The following TRAPPC11 variants were observed in gnomAD, a reference collection of about 807,000 sequenced individuals.
TRAPPC11 encodes trafficking protein particle complex subunit 11.
A neutral mutation model predicts 151.2 loss-of-function variants in TRAPPC11; 104 were observed. The observed-to-expected ratio is 0.69, with a 90% CI of 0.59 to 0.81. The LOEUF (loss-of-function observed/expected upper bound fraction) is 0.81. Ranked by LOEUF, TRAPPC11 falls within the 30% of genes least tolerant of loss-of-function variation. The pLI is 0.00. For missense variants in TRAPPC11, 1,230 were observed against 1,349.6 expected (o/e 0.91, Z 1.39); for synonymous variants, 456 against 472.3 (o/e 0.97, Z 0.45).
In TRAPPC11 at chr4:183,675,175, T is replaced by G. The variant is rs550455150; in HGVS notation, c.672T>G (p.Val224=). ...TTGTCTCTTTTTAGCTTTTATTTGT[T>G]AGGCATCAGTTCAAAATAGCTTTCT... ...LNKTTHQLLF[V]RHQFKIAFFS... is the part of the protein sequence containing the mutation. The change falls in exon 7 of 30, where the codon GTT becomes GTG. Residue 224 remains valine, a synonymous_variant. Transcript: ENST00000334690. 6.6e-7 allele frequency: 1 copy of G among 1,513,880 alleles called. No homozygotes were observed. 93.8% of individuals were successfully genotyped at this position (1,513,880 alleles called of 1,614,324 possible).
Position 183,711,798 on chromosome 4 carries a change from A to G in TRAPPC11, c.3358-802A>G, listed in dbSNP as rs533293728. Among the ~76,000 whole-genome samples, 3 of 152,338 alleles carry G rather than the reference A, an allele frequency of 2.0e-5. No individual in the cohort carries two copies. The South Asian group carries it at 6.2e-4, about 32-fold the overall frequency. Reference sequence around the variant, plus strand: ...CACTCTTCTGTTTCATTTCCTGATCATCTTTCTCCTGCTTTCCCCACAAAG... The same window carrying G: ...CACTCTTCTGTTTCATTTCCTGATCGTCTTTCTCCTGCTTTCCCCACAAAG... On this transcript the variant is annotated intron_variant, in intron 29 of 29. Transcript: ENST00000334690.
chr4:183,673,464 A>T (rs1579171114), intron 5 of TRAPPC11, among the ~76,000 whole-genome samples: 1 of 152,150 alleles, frequency 6.6e-6, no homozygotes, highest in South Asian at 2.1e-4. Context: ...GTTTAAGTCC[A>T]GGAATTTGAG....
chr4:183,701,557 C>A, intron 25 of TRAPPC11, 140 bp from the exon 26 acceptor site: 1 of 613,232 alleles, frequency 1.6e-6, no homozygotes, highest in Non-Finnish European at 2.9e-6. Context: ...CATTTAACAT[C>A]TCTGAACCCT....
At chr4:183,686,475 C>A in intron 17 of TRAPPC11, 143 bp from the exon 18 acceptor site, 1 of 859,372 alleles carries the variant, frequency 1.2e-6, no homozygotes. Context: ...GCTCATTTGT[C>A]TCTTGAAGTG....
chr4:183,694,441 G>C (rs970939811), intron 22 of TRAPPC11, among the ~76,000 whole-genome samples, 163 bp from the exon 23 acceptor site: 3 of 152,200 alleles, frequency 2.0e-5, no homozygotes, highest in Non-Finnish European at 2.9e-5. Flanking sequence ...CTCTACTACA[G>C]TGGGAGCATT....
intron 18 of TRAPPC11, 128 bp downstream of exon 18, chr4:183,686,876 T>C (rs1343810959): frequency 8.5e-7 from 1 of 1,176,840 alleles, no homozygotes; most frequent in East Asian, 2.4e-5. Context: ...TTTGGTAAGG[T>C]CTATTCAAAA....
chr4:183,669,991 G>A (rs1407508903), intron 5 of TRAPPC11, among the ~76,000 whole-genome samples: 1 of 152,196 alleles, frequency 6.6e-6, no homozygotes, highest in Non-Finnish European at 1.5e-5. Context: ...TCCAGCATGT[G>A]GATACAAGAT....
chr4:183,674,852 GATT>G (rs766887296), intron 6 of TRAPPC11, 40 bp downstream of exon 6: 13 of 1,207,310 alleles, frequency 1.1e-5, no homozygotes, highest in African/African-American at 6.2e-5. Flanking sequence ...TTCTGGAGCG[GATT>G]ATTATTATTT....
At chr4:183,698,406 A>G (rs749423007) in intron 25 of TRAPPC11, among the ~76,000 whole-genome samples, 1 of 151,914 alleles carries the variant, frequency 6.6e-6, no homozygotes, top group Non-Finnish European at 1.5e-5. Context: ...TTTGGAAATC[A>G]TTGTCTCTGT....
At chr4:183,666,764 C>T (rs925502179) in intron 3 of TRAPPC11, 7 of 418,972 alleles carry the variant, frequency 1.7e-5, no homozygotes, top group African/African-American at 1.4e-4. Flanking sequence ...GATGACTACT[C>T]TGCAGTGTAT....
Position 183,682,843 on chromosome 4 carries a change from C to T in TRAPPC11, c.1207+18C>T. 6.5e-7 allele frequency: 1 copy of T among 1,548,370 alleles called. No homozygotes were observed. Among genetic ancestry groups the T allele is most frequent in the Non-Finnish European group, 8.9e-7 (1 of 1,120,980 alleles). On this transcript the variant is annotated intron_variant, in intron 11 of 29. Transcript: ENST00000334690. The stretch of plus-strand genomic sequence containing the variant: ...AATACTAAGTAAATAATTTTTCCCT[C>T]TGTCCTTTCCTCTCAACCTCAAAAG...
At chr4:183,690,434 A>G (rs1210266449) in intron 18 of TRAPPC11, among the ~76,000 whole-genome samples, 2 of 152,168 alleles carry the variant, frequency 1.3e-5, no homozygotes, top group Non-Finnish European at 2.9e-5. Context: ...TCCTTTACTC[A>G]TCTATGAGGA....
chr4:183,702,716 A>G (rs1277040172), intron 26 of TRAPPC11, among the ~76,000 whole-genome samples: 2 of 152,324 alleles, frequency 1.3e-5, no homozygotes, highest in African/African-American at 2.4e-5. Context: ...CTGCAGGAAG[A>G]TTCAATTGTA....
At chr4:183,677,315 T>C in intron 7 of TRAPPC11, 143 bp from the exon 8 acceptor site, 1 of 642,678 alleles carries the variant, frequency 1.6e-6, no homozygotes, top group Non-Finnish European at 2.8e-6. Flanking sequence ...TAATGGCTCA[T>C]TTATCAGGAA....
In TRAPPC11 at chr4:183,706,848, A is replaced by G. The variant is rs768499576; in HGVS notation, c.3097A>G (p.Lys1033Glu). ...FGRVRESLPV[K>E]YHLQNKTDLV... ...GCGTGTCAGAGAGTCGTTACCTGTC[A>G]AGTATCACCTACAGAATAAGACCGA... The change falls in exon 28 of 30, where the codon AAG (lysine) becomes GAG (glutamate). Residue 1033 changes from lysine to glutamate, a missense_variant. Physicochemically the swap from Lys to Glu is moderately conservative, Grantham distance 56. Transcript: ENST00000334690. 3 of 1,614,102 alleles carry G rather than the reference A, an allele frequency of 1.9e-6. No individual in the cohort carries two copies. Among genetic ancestry groups the G allele is most frequent in the Non-Finnish European group, 1.7e-6 (2 of 1,179,972 alleles).
In TRAPPC11 at chr4:183,696,845, T is replaced by A. The variant is rs561333100; in HGVS notation, c.2629-658T>A. Among the ~76,000 whole-genome samples, 3 of 152,316 alleles carry A rather than the reference T, an allele frequency of 2.0e-5. No homozygotes were observed. The East Asian group carries it at 5.8e-4, about 29-fold the overall frequency. Reference sequence around the variant, plus strand: ...ACATTACATAATACATGTATACGGATGATAGCAGTGTCTGTCACATTACAT... The same window carrying A: ...ACATTACATAATACATGTATACGGAAGATAGCAGTGTCTGTCACATTACAT... On this transcript the variant is annotated intron_variant, in intron 23 of 29. Transcript: ENST00000334690.
At chr4:183,667,890 G>T in intron 4 of TRAPPC11, 113 bp from the exon 5 acceptor site, 1 of 773,728 alleles carries the variant, frequency 1.3e-6, no homozygotes, top group South Asian at 1.5e-5. Flanking sequence ...GTGATGAAAA[G>T]CTGTTTGGGT....
intron 9 of TRAPPC11, 40 bp from the exon 10 acceptor site, chr4:183,680,079 CT>C: frequency 6.4e-7 from 1 of 1,557,064 alleles, no homozygotes; most frequent in Non-Finnish European, 8.7e-7. Flanking sequence ...GCTTCTTTTT[CT>C]TTTCATTCCT....
chr4:183,661,757 C>CTTTTTTT (rs562308106), intron 1 of TRAPPC11, among the ~76,000 whole-genome samples: 49 of 100,134 alleles, frequency 4.9e-4, no homozygotes, highest in African/African-American at 1.7e-3. Context: ...TTTGGAATAA[C>CTTTTTTT]TTTTTTTTTT....
Sources: allele counts gnomAD v4.1 joint callset (sites outside exome capture counted in the v4.1 genomes callset), GRCh38; gene constraint gnomAD v4.1.1; transcripts MANE v1.5; gene names NCBI Gene and HGNC (gene_info 2026-07-23, HGNC 2026-07-21).